Variants in HCN1 observed in about 807,000 individuals in gnomAD.
The protein encoded by HCN1 is hyperpolarization activated cyclic nucleotide gated potassium channel 1, also known as potassium/sodium hyperpolarization-activated cyclic nucleotide-gated channel 1.
In HCN1, 13 loss-of-function variants were observed where a neutral mutation model predicts 78.9. The ratio of observed to expected loss-of-function variants is 0.16; its 90% CI spans 0.11 to 0.26. The LOEUF is 0.26. Among genes scored for constraint, HCN1 ranks in the 10% least tolerant of loss-of-function variants. The pLI, the probability that HCN1 is intolerant of heterozygous loss-of-function variation, is 1.00. For synonymous variants in HCN1, 552 were observed against 455.5 expected, an observed-to-expected ratio of 1.21 and a Z score of -2.70; for missense variants, 810 against 1,154.3, an observed-to-expected ratio of 0.70 and a Z score of 4.32.
At chr5:45,690,454 A>G (rs1192635610) in intron 1 of HCN1, among the ~76,000 whole-genome samples, 1 of 152,080 alleles carries the variant, frequency 6.6e-6, no homozygotes, top group Non-Finnish European at 1.5e-5. Flanking sequence ...TTACTTCTAT[A>G]TATATTCTTC....
At chr5:45,480,834 A>T (rs1019050240) in intron 2 of HCN1, among the ~76,000 whole-genome samples, 4 of 152,202 alleles carry the variant, frequency 2.6e-5, no homozygotes, top group African/African-American at 7.2e-5. Flanking sequence ...ACTGGATTAA[A>T]TACCTCATTT....
chr5:45,695,525 C>A, intron 1 of HCN1, 144 bp downstream of exon 1: 1 of 737,488 alleles, frequency 1.4e-6, no homozygotes, highest in Non-Finnish European at 2.2e-6. Context: ...CCGAGTGGAG[C>A]CTGCTTAGCC....
intron 5 of HCN1, among the ~76,000 whole-genome samples, chr5:45,328,661 A>G (rs548579738): frequency 2.6e-5 from 4 of 151,650 alleles, no homozygotes; most frequent in Non-Finnish European, 4.4e-5. Flanking sequence ...CCCACTATTT[A>G]GAATGGTGCA....
chr5:45,359,199 T>C (rs1747064080), intron 4 of HCN1, among the ~76,000 whole-genome samples: 4 of 152,076 alleles, frequency 2.6e-5, no homozygotes, highest in Admixed American at 2.6e-4. Context: ...AATAATTTTA[T>C]ACACTTCACA....
chr5:45,671,895 AT>A (rs1409256064), intron 1 of HCN1, among the ~76,000 whole-genome samples: 2 of 151,610 alleles, frequency 1.3e-5, no homozygotes, highest in Non-Finnish European at 1.5e-5. Context: ...AAGTTTGCAG[AT>A]AATAGGGTTT....
At chr5:45,681,453 C>A (rs1739700782) in intron 1 of HCN1, among the ~76,000 whole-genome samples, 1 of 151,916 alleles carries the variant, frequency 6.6e-6, no homozygotes. Flanking sequence ...TTACTAAGAT[C>A]TATGATATAT....
At chr5:45,545,664 A>T (rs926918701) in intron 2 of HCN1, among the ~76,000 whole-genome samples, 10 of 152,140 alleles carry the variant, frequency 6.6e-5, no homozygotes, top group Non-Finnish European at 1.3e-4. Flanking sequence ...CTTTCTACAT[A>T]TGGCTAGCCA....
chr5:45,691,318 G>A (rs1316923779), intron 1 of HCN1, among the ~76,000 whole-genome samples: 1 of 151,740 alleles, frequency 6.6e-6, no homozygotes, highest in Admixed American at 6.6e-5. Flanking sequence ...AGGTTTAAAG[G>A]GAAAGTTGCT....
intron 7 of HCN1, 149 bp from the exon 8 acceptor site, chr5:45,262,959 C>A: frequency 2.6e-6 from 2 of 771,450 alleles, no homozygotes; most frequent in Non-Finnish European, 4.3e-6. Flanking sequence ...CACCAAATAC[C>A]AATGTGGCTC....
At chr5:45,616,910 C>T (rs530894094) in intron 2 of HCN1, among the ~76,000 whole-genome samples, 7 of 152,006 alleles carry the variant, frequency 4.6e-5, no homozygotes, top group Non-Finnish European at 8.8e-5. Context: ...CTACTTATCC[C>T]GCAAATGTGT....
At chr5:45,687,857 G>C (rs547628651) in intron 1 of HCN1, among the ~76,000 whole-genome samples, 37 of 152,152 alleles carry the variant, frequency 2.4e-4, no homozygotes, top group Non-Finnish European at 4.6e-4. Flanking sequence ...ACTTTGAAAT[G>C]TCTCCCTTTG....
At chr5:45,375,124 A>G (rs1301127682) in intron 4 of HCN1, among the ~76,000 whole-genome samples, 1 of 122,210 alleles carries the variant, frequency 8.2e-6, no homozygotes, top group African/African-American at 3.2e-5. Flanking sequence ...AATATATTAT[A>G]TATAATATAT....
chr5:45,489,761 C>T (rs190641827), intron 2 of HCN1, among the ~76,000 whole-genome samples: 119 of 152,246 alleles, frequency 7.8e-4, no homozygotes, highest in Middle Eastern at 3.4e-3. Context: ...TCTATAGAAG[C>T]TTCACATTCT....
At chr5:45,279,192 G>A (rs543932617) in intron 6 of HCN1, among the ~76,000 whole-genome samples, 11 of 152,070 alleles carry the variant, frequency 7.2e-5, no homozygotes, top group Admixed American at 2.6e-4. Context: ...AGTCCAACAG[G>A]TTATCCAAAC....
intron 2 of HCN1, among the ~76,000 whole-genome samples, chr5:45,581,385 A>T (rs1173970019): frequency 6.6e-6 from 1 of 151,768 alleles, no homozygotes; most frequent in Non-Finnish European, 1.5e-5. Context: ...TTTTCTTGTA[A>T]ATTTCTTTGA....
At chr5:45,287,031 G>C (rs1198424510) in intron 6 of HCN1, among the ~76,000 whole-genome samples, 1 of 151,440 alleles carries the variant, frequency 6.6e-6, no homozygotes, top group Admixed American at 6.6e-5. Context: ...ATTGAAGTAT[G>C]CTTAGAATTA....
chr5:45,597,312 A>C (rs973663445), intron 2 of HCN1, among the ~76,000 whole-genome samples: 1 of 152,228 alleles, frequency 6.6e-6, no homozygotes, highest in African/African-American at 2.4e-5. Context: ...ATCCAAAGAC[A>C]AAAAACACAT....
intron 5 of HCN1, among the ~76,000 whole-genome samples, chr5:45,307,177 A>G (rs1302855602): frequency 6.6e-6 from 1 of 152,138 alleles, no homozygotes; most frequent in Non-Finnish European, 1.5e-5. Context: ...CAAAGTATAA[A>G]ATAAATAACC....
intron 2 of HCN1, among the ~76,000 whole-genome samples, chr5:45,602,874 T>C (rs1852598): frequency 0.21 from 32,042 of 151,952 alleles, 3,880 homozygotes; most frequent in East Asian, 0.32. Flanking sequence ...TCAGTGAAAG[T>C]AGACGTGTGC....
Sources: gnomAD v4.1 joint callset for allele counts (sites outside exome capture counted in the v4.1 genomes callset) on GRCh38, gnomAD v4.1.1 for gene constraint, MANE v1.5 for transcripts, NCBI Gene and HGNC (gene_info 2026-07-23, HGNC 2026-07-21) for gene names.